The following EBF4 variants were observed in gnomAD, a reference collection of about 807,000 sequenced individuals.
EBF4 encodes the protein EBF transcription factor 4.
In EBF4, 34 loss-of-function variants were observed where a neutral mutation model predicts 67.1. That is an observed-to-expected ratio of 0.51 (90% CI 0.39 to 0.67). The LOEUF is 0.67. Among genes scored for constraint, EBF4 ranks in the 30% least tolerant of loss-of-function variants. EBF4 has a pLI of 0.00. For synonymous variants in EBF4, 387 were observed against 377.7 expected, an observed-to-expected ratio of 1.02 and a Z score of -0.29; for missense variants, 837 against 873.3, an observed-to-expected ratio of 0.96 and a Z score of 0.52.
intron 6 of EBF4, among the ~76,000 whole-genome samples, chr20:2,743,695 A>C (rs1237686759): frequency 6.6e-6 from 1 of 152,202 alleles, no homozygotes; most frequent in Non-Finnish European, 1.5e-5. Context: ...AAAGCTAGTT[A>C]ATGTCCATAG....
At chr20:2,744,487 C>CTTTTTTTTTTTTTTTTTTTTTTTTTTTT (rs778840182) in intron 6 of EBF4, among the ~76,000 whole-genome samples, 1 of 111,494 alleles carries the variant, frequency 9.0e-6, no homozygotes, top group Non-Finnish European at 1.7e-5. Flanking sequence ...TTCTTTTTTT[C>CTTTTTTTTTTTTTTTTTTTTTTTTTTTT]TTTTCTTTTT....
At chr20:2,708,784 T>C (rs1471370123) in intron 5 of EBF4, among the ~76,000 whole-genome samples, 1 of 152,188 alleles carries the variant, frequency 6.6e-6, no homozygotes, top group Non-Finnish European at 1.5e-5. Context: ...GAACTGTGGC[T>C]ACCCTTGGAA....
At chr20:2,748,958 C>A (rs1042520482) in intron 7 of EBF4, among the ~76,000 whole-genome samples, 1 of 152,194 alleles carries the variant, frequency 6.6e-6, no homozygotes, top group African/African-American at 2.4e-5. Context: ...AAGCTGCACA[C>A]CCCTCTCAGT....
At chr20:2,744,290 A>G (rs1341944935) in intron 6 of EBF4, among the ~76,000 whole-genome samples, 3 of 151,686 alleles carry the variant, frequency 2.0e-5, no homozygotes, top group Admixed American at 6.6e-5. Flanking sequence ...CCACTGACAA[A>G]TATCATTTGT....
At chr20:2,698,140 C>A (rs182643414) in intron 1 of EBF4, among the ~76,000 whole-genome samples, 177 of 152,120 alleles carry the variant, frequency 1.2e-3, no homozygotes, top group African/African-American at 3.9e-3. Context: ...GGAGAGCAGG[C>A]CTGTGAGATT....
intron 6 of EBF4, among the ~76,000 whole-genome samples, chr20:2,713,444 G>A (rs778937658): frequency 6.6e-6 from 1 of 152,160 alleles, no homozygotes; most frequent in Non-Finnish European, 1.5e-5. Context: ...AGACACTAGA[G>A]GGCGTGATAT....
chr20:2,741,602 G>A (rs187479893), intron 6 of EBF4, among the ~76,000 whole-genome samples: 23 of 152,276 alleles, frequency 1.5e-4, no homozygotes, highest in Admixed American at 5.2e-4. Flanking sequence ...TTATGGGGAG[G>A]AATAAAAAGC....
chr20:2,749,900 G>A, exon 10 of EBF4: 1 of 1,551,536 alleles, frequency 6.4e-7, no homozygotes, highest in Non-Finnish European at 8.7e-7. Flanking sequence ...ACATCCCCGG[G>A]GTGGTGGAGG....
rs560403180 is a variant in EBF4, at chr20:2,697,275, A to G, written c.137+3493A>G. On this transcript the variant is annotated intron_variant, in intron 1 of 16. Coordinates refer to ENST00000609451, the Ensembl canonical transcript of EBF4. ...AGAGGGGTAGGGAGGGCCGGGTGCGATGGCTCACGCCTGTAATCCCAGCAC... is the reference window on the plus strand; with the variant it reads ...AGAGGGGTAGGGAGGGCCGGGTGCGGTGGCTCACGCCTGTAATCCCAGCAC... Among the ~76,000 whole-genome samples the G allele has an allele frequency of 3.1e-3, 475 of 152,122 alleles. 2 individuals carry two copies. Among genetic ancestry groups the G allele is most frequent in the African/African-American group, 9.8e-3 (407 of 41,498 alleles).
Position 2,700,747 on chromosome 20 carries a change from C to G in EBF4, c.138-4830C>G, listed in dbSNP as rs2087362986. ...GTAATCAGCTTGTAATCTCCCCTTCCCCTTCCCCAGCCCTCTCTCTTTGGA... is the reference window on the plus strand; with the variant it reads ...GTAATCAGCTTGTAATCTCCCCTTCGCCTTCCCCAGCCCTCTCTCTTTGGA... On this transcript the variant is annotated intron_variant, in intron 1 of 16. Coordinates refer to ENST00000609451, the Ensembl canonical transcript of EBF4. Among the ~76,000 whole-genome samples the G allele has an allele frequency of 2.1e-5, 3 of 139,868 alleles. No individual in the cohort carries two copies. In the Admixed American group the frequency reaches 2.2e-4, roughly 10 times the overall value. 91.8% of individuals were successfully genotyped at this position (139,868 alleles called of 152,430 possible).
intron 6 of EBF4, among the ~76,000 whole-genome samples, chr20:2,748,340 T>C (rs2088083409): frequency 6.6e-6 from 1 of 152,136 alleles, no homozygotes; most frequent in South Asian, 2.1e-4. Context: ...TATGGTTGTA[T>C]AGCGAAGTTG....
At chr20:2,749,133 G>A (rs1048779481) in intron 7 of EBF4, among the ~76,000 whole-genome samples, 2 of 152,174 alleles carry the variant, frequency 1.3e-5, no homozygotes, top group African/African-American at 2.4e-5. Flanking sequence ...TGCAAAAACA[G>A]TAGCCATTCT....
intron 6 of EBF4, among the ~76,000 whole-genome samples, chr20:2,743,331 G>A (rs1290308438): frequency 6.6e-6 from 1 of 152,206 alleles, no homozygotes; most frequent in Non-Finnish European, 1.5e-5. Context: ...TAGGTCCAGG[G>A]GAGAGCCCGG....
chr20:2,722,508 ACT>A (rs2087695282), intron 6 of EBF4, among the ~76,000 whole-genome samples: 1 of 151,960 alleles, frequency 6.6e-6, no homozygotes, highest in Non-Finnish European at 1.5e-5. Flanking sequence ...TCTCTAGGAT[ACT>A]CTTTGTATGC....
chr20:2,759,042 C>G (rs908513865), intron 16 of EBF4, 58 bp downstream of exon 16: 1 of 1,469,210 alleles, frequency 6.8e-7, no homozygotes, highest in African/African-American at 1.4e-5. Flanking sequence ...GATGTGCTTG[C>G]TCTCTAAAGG....
chr20:2,693,781 AGGTAAGCGCTCGGACCGGACCC>A lies in EBF4; in HGVS notation c.137+3_137+24del. 7.5e-7 allele frequency: 1 copy of A among 1,325,034 alleles called. No homozygotes were observed. Among genetic ancestry groups the A allele is most frequent in the Non-Finnish European group, 9.6e-7 (1 of 1,038,624 alleles). The allele number at this position is 1,325,034 out of a possible 1,614,324, so 82.1% of individuals were successfully genotyped here. The stretch of plus-strand genomic sequence containing the variant: ...CCTGGACGCCAGCACCGCGGCGCAG[AGGTAAGCGCTCGGACCGGACCC>A]GGTGCGCTCGGGTTGGACGGCTGCG... On this transcript the variant is annotated splice_donor_variant and splice_donor_5th_base_variant and coding_sequence_variant and intron_variant, in exon 1 of 17. Transcript: ENST00000609451. LOFTEE classifies it high-confidence loss of function. This position sits in a 1 kb window ranked among gnomAD's most constrained non-coding sequence, Gnocchi z 4.6.
rs558479687 is a variant in EBF4 at position 2,697,271 on chromosome 20, T to C, written c.137+3489T>C. Among the ~76,000 whole-genome samples the C allele has an allele frequency of 2.9e-3, 438 of 151,294 alleles. 2 individuals are homozygous for C. Among genetic ancestry groups the C allele is most frequent in the African/African-American group, 9.5e-3 (393 of 41,188 alleles). On this transcript the variant is annotated intron_variant, in intron 1 of 16. Coordinates refer to ENST00000609451, the Ensembl canonical transcript of EBF4. ...CAAAAGAGGGGTAGGGAGGGCCGGGTGCGATGGCTCACGCCTGTAATCCCA... is the reference window on the plus strand; with the variant it reads ...CAAAAGAGGGGTAGGGAGGGCCGGGCGCGATGGCTCACGCCTGTAATCCCA...
chr20:2,714,239 G>A (rs2087579175), intron 6 of EBF4, among the ~76,000 whole-genome samples: 1 of 152,162 alleles, frequency 6.6e-6, no homozygotes, highest in Non-Finnish European at 1.5e-5. Flanking sequence ...CCTTTACTGT[G>A]AACTGTCTGT....
At chr20:2,705,732 G>T in exon 2 of EBF4, 1 of 1,549,840 alleles carries the variant, frequency 6.5e-7, no homozygotes. Context: ...GAAAAGGACC[G>T]AGTGAGAGGC....
Sources: gnomAD v4.1 joint callset for allele counts (sites outside exome capture counted in the v4.1 genomes callset) on GRCh38, gnomAD v4.1.1 for gene constraint, Gnocchi (gnomAD v3.1) non-coding constraint, MANE v1.5 for transcripts, NCBI Gene and HGNC (gene_info 2026-07-23, HGNC 2026-07-21) for gene names.